Variants in NOS1AP observed in about 807,000 individuals in gnomAD.
NOS1AP encodes the protein nitric oxide synthase 1 adaptor protein.
Under a neutral mutation model 56.2 loss-of-function variants are expected in NOS1AP, and 21 were observed. The observed-to-expected ratio is 0.37, with a 90% CI of 0.26 to 0.54. The LOEUF is 0.54. Ranked by LOEUF, NOS1AP falls within the 20% of genes least tolerant of loss-of-function variation. The pLI, the probability that NOS1AP is intolerant of heterozygous loss-of-function variation, is 0.84. For synonymous variants in NOS1AP, 270 were observed against 274.6 expected (o/e 0.98, Z 0.17); for missense variants, 522 against 657.8 (o/e 0.79, Z 2.26).
intron 1 of NOS1AP, among the ~76,000 whole-genome samples, chr1:162,117,886 T>A (rs182833449): frequency 5.1e-4 from 77 of 152,298 alleles, no homozygotes; most frequent in Middle Eastern, 6.8e-3. Context: ...CCTGGGAGCC[T>A]AACGGTCCTT....
Position 162,365,446 on chromosome 1 carries a change from C to T in NOS1AP, c.982C>T (p.Arg328Trp), listed in dbSNP as rs1300090284. ...CCAGTTGGCTGCTGAGGCTGCGGCGCGGCTGGAGGCCCAGGCTCGCGTGCA... is the reference window on the plus strand; with the variant it reads ...CCAGTTGGCTGCTGAGGCTGCGGCGTGGCTGGAGGCCCAGGCTCGCGTGCA... ...KDQLAAEAAARLEAQARVHQL... is the reference protein window; with the variant it reads ...KDQLAAEAAAWLEAQARVHQL... The change falls in exon 9 of 10, where the codon CGG (arginine) becomes TGG (tryptophan). Residue 328 changes from arginine to tryptophan, a missense_variant. Transcript: ENST00000361897. The T allele has an allele frequency of 3.7e-6, 6 of 1,614,080 alleles. No individual in the cohort carries two copies. Among genetic ancestry groups the T allele is most frequent in the Admixed American group, 1.7e-5 (1 of 60,036 alleles).
In NOS1AP at chr1:162,346,656, G is replaced by A. The variant is rs531972038; in HGVS notation, c.595+2680G>A. On this transcript the variant is annotated intron_variant, in intron 6 of 9. Transcript: ENST00000361897. ...AACTGGGTGGCTGAGGTGGCAGGAAGATTGACTTTTCACTGTACTTTTATG... is the reference window on the plus strand; with the variant it reads ...AACTGGGTGGCTGAGGTGGCAGGAAAATTGACTTTTCACTGTACTTTTATG... Among the ~76,000 whole-genome samples, 5 of 152,324 alleles carry A rather than the reference G, an allele frequency of 3.3e-5. No individual in the cohort carries two copies. In the South Asian group the frequency reaches 1.0e-3, roughly 32 times the overall value.
intron 2 of NOS1AP, among the ~76,000 whole-genome samples, chr1:162,233,472 G>C (rs4475726): frequency 0.85 from 129,106 of 152,108 alleles, 55,072 homozygotes; most frequent in Non-Finnish European, 0.9. Flanking sequence ...AAAATCAATA[G>C]TGTACAGTTT....
chr1:162,115,593 A>C (rs1435495606), intron 1 of NOS1AP, among the ~76,000 whole-genome samples: 5 of 152,128 alleles, frequency 3.3e-5, no homozygotes, highest in Non-Finnish European at 7.3e-5. Flanking sequence ...AGCTTTTTAG[A>C]AATGCAGACT....
chr1:162,221,774 C>T (rs1343333508), intron 2 of NOS1AP, among the ~76,000 whole-genome samples: 1 of 152,138 alleles, frequency 6.6e-6, no homozygotes, highest in African/African-American at 2.4e-5. Context: ...GGAATGTAAA[C>T]ATTCAGTAAA....
At chr1:162,247,873 A>G (rs778110737) in intron 2 of NOS1AP, among the ~76,000 whole-genome samples, 7 of 152,200 alleles carry the variant, frequency 4.6e-5, no homozygotes, top group Non-Finnish European at 8.8e-5. Context: ...GGCTGTGAGG[A>G]CATATATTCT....
intron 1 of NOS1AP, among the ~76,000 whole-genome samples, chr1:162,121,259 C>T (rs921704419): frequency 2.0e-5 from 3 of 151,294 alleles, no homozygotes; most frequent in African/African-American, 7.3e-5. Flanking sequence ...TCCCAAGTAG[C>T]TGGAATTACA....
chr1:162,258,342 G>A (rs1654100440), intron 2 of NOS1AP, among the ~76,000 whole-genome samples: 1 of 152,146 alleles, frequency 6.6e-6, no homozygotes, highest in Admixed American at 6.5e-5. Flanking sequence ...CCTTACCCCT[G>A]TATCTCACAC....
intron 2 of NOS1AP, among the ~76,000 whole-genome samples, chr1:162,184,752 C>T (rs1651371585): frequency 6.6e-6 from 1 of 152,158 alleles, no homozygotes; most frequent in Non-Finnish European, 1.5e-5. Flanking sequence ...CAGTAGTTCC[C>T]CTGAGACTGA....
chr1:162,320,621 C>T (rs1158609013), intron 4 of NOS1AP, among the ~76,000 whole-genome samples: 1 of 152,062 alleles, frequency 6.6e-6, no homozygotes, highest in Non-Finnish European at 1.5e-5. Flanking sequence ...TTTGGGAGGC[C>T]GAGGCGGGAG....
intron 1 of NOS1AP, among the ~76,000 whole-genome samples, chr1:162,132,173 T>C (rs1053952278): frequency 1.3e-5 from 2 of 152,022 alleles, no homozygotes; most frequent in African/African-American, 4.8e-5. Context: ...CCTGGGAGGG[T>C]GAAGGACTCC....
At chr1:162,346,236 G>T (rs569550084) in intron 6 of NOS1AP, among the ~76,000 whole-genome samples, 2 of 152,236 alleles carry the variant, frequency 1.3e-5, no homozygotes, top group East Asian at 3.9e-4. Flanking sequence ...TTCTATATAA[G>T]GTTACATAGC....
At chr1:162,317,797 A>G (rs911231367) in intron 4 of NOS1AP, 1 of 152,234 alleles carries the variant, frequency 6.6e-6, no homozygotes, top group African/African-American at 2.4e-5. Flanking sequence ...GAGAAAGGGA[A>G]GTCAGTAACA....
chr1:162,342,582 G>A (rs762959023), intron 5 of NOS1AP: 1 of 493,688 alleles, frequency 2.0e-6, no homozygotes, highest in East Asian at 5.8e-5. Context: ...TGTAATATGA[G>A]CTTCATTTAT....
chr1:162,305,829 C>T (rs1007012769), intron 4 of NOS1AP, among the ~76,000 whole-genome samples: 2 of 152,056 alleles, frequency 1.3e-5, no homozygotes, highest in East Asian at 1.9e-4. Context: ...TCAAACTCCT[C>T]GGGATAATAA....
chr1:162,320,177 CT>C (rs1223772627), intron 4 of NOS1AP, among the ~76,000 whole-genome samples: 1 of 152,122 alleles, frequency 6.6e-6, no homozygotes, highest in Non-Finnish European at 1.5e-5. Context: ...ATGTGCGTAT[CT>C]TAGAAGAGAG....
intron 1 of NOS1AP, among the ~76,000 whole-genome samples, chr1:162,097,840 A>T (rs574424831): frequency 1.3e-5 from 2 of 152,218 alleles, no homozygotes; most frequent in Admixed American, 6.5e-5. Flanking sequence ...TTGCTTTCTC[A>T]TATAAATGTT....
Position 162,232,427 on chromosome 1 carries a change from A to G in NOS1AP, c.178-54917A>G, listed in dbSNP as rs181996625. 4.0e-4 allele frequency among the ~76,000 whole-genome samples: 61 copies of G among 152,308 alleles called. No homozygotes were observed. In the East Asian group the frequency reaches 0.011, roughly 27 times the overall value. On this transcript the variant is annotated intron_variant, in intron 2 of 9. Transcript: ENST00000361897. The stretch of plus-strand genomic sequence containing the variant: ...GTTATTGGAATTGATTTATTTTGCC[A>G]CTTTTATGTAGAACATTTTATCTTC...
intron 1 of NOS1AP, among the ~76,000 whole-genome samples, chr1:162,137,513 G>C (rs1649055444): frequency 6.6e-6 from 1 of 152,132 alleles, no homozygotes; most frequent in African/African-American, 2.4e-5. Flanking sequence ...TTGCCATGAA[G>C]CTGAGGCAGT....
Sources: gnomAD v4.1 joint callset for allele counts (sites outside exome capture counted in the v4.1 genomes callset) on GRCh38, gnomAD v4.1.1 for gene constraint, MANE v1.5 for transcripts, NCBI Gene and HGNC (gene_info 2026-07-23, HGNC 2026-07-21) for gene names.